The following ASTL variants were observed in gnomAD, a reference collection of about 807,000 sequenced individuals.
ASTL encodes the protein astacin-like metalloendopeptidase.
Under a neutral mutation model 36.7 loss-of-function variants are expected in ASTL, and 27 were observed. The observed-to-expected ratio is 0.73, with a 90% confidence interval of 0.54 to 1.01. The LOEUF is 1.01. Ranked by LOEUF, ASTL falls within the 50% of genes least tolerant of loss-of-function variation. The probability of loss-of-function intolerance (pLI) is 0.00; values close to 1 mark genes in which losing one functional copy is unlikely to be tolerated. For missense variants in ASTL, 524 were observed against 572.8 expected (o/e 0.91, Z 0.87); for synonymous variants, 222 against 228.1 (o/e 0.97, Z 0.24).
intron 2 of ASTL, among the ~76,000 whole-genome samples, chr2:96,136,507 G>T (rs1334897031): frequency 1.3e-5 from 2 of 152,218 alleles, no homozygotes; most frequent in African/African-American, 4.8e-5. Flanking sequence ...ACCAGCATTT[G>T]GGAGTTTTCT....
At chr2:96,134,136 G>A in intron 3 of ASTL, 78 bp from the exon 4 acceptor site, 2 of 938,666 alleles carry the variant, frequency 2.1e-6, no homozygotes, top group Admixed American at 3.8e-5. Context: ...CACACCCCAG[G>A]GCACCAGAAC....
Position 96,132,851 on chromosome 2 carries a change from T to G in ASTL, c.456-130A>C. The G allele has an allele frequency of 2.5e-6, 2 of 797,136 alleles. No individual in the cohort carries two copies. The highest frequency in any genetic ancestry group is 3.8e-6 in the Non-Finnish European group (2 of 526,310). 49.4% of individuals were successfully genotyped at this position (797,136 alleles called of 1,614,324 possible). A position where few individuals can be genotyped will look rare whatever the true frequency, so the allele number is the denominator to read the frequency against. ...AACAGGCAGGCCCCACTCTGGGCTC[T>G]AGTCTCAGGTTCACCATTCTCCAGG... On this transcript the variant is annotated intron_variant, in intron 5 of 8. Coordinates refer to ENST00000342380, the MANE Select transcript of ASTL (RefSeq NM_001002036.4). This position sits in a 1 kb window ranked among gnomAD's most constrained non-coding sequence, Gnocchi z 5.4.
chr2:96,127,726 C>A (rs978345102), intron 8 of ASTL, among the ~76,000 whole-genome samples: 1 of 152,044 alleles, frequency 6.6e-6, no homozygotes, highest in Non-Finnish European at 1.5e-5. Context: ...AGGTGCACAC[C>A]ACTATCCCAC....
Position 96,132,799 on chromosome 2 carries a change from C to T in ASTL, c.456-78G>A, listed in dbSNP as rs1238415521. ...CATACAGACCTGGGCTCTCCCTCCCCACACAACACAAGATAGACAAACTCC... is the reference window on the plus strand; with the variant it reads ...CATACAGACCTGGGCTCTCCCTCCCTACACAACACAAGATAGACAAACTCC... On this transcript the variant is annotated intron_variant, in intron 5 of 8. Coordinates refer to ENST00000342380, the MANE Select transcript of ASTL (RefSeq NM_001002036.4). The surrounding 1 kb of genome is among the most constrained non-coding windows in gnomAD (Gnocchi z 5.4). The T allele has an allele frequency of 7.4e-7, 1 of 1,355,180 alleles. No homozygotes were observed. The highest frequency in any genetic ancestry group is 1.0e-6 in the Non-Finnish European group (1 of 986,830). The allele number at this position is 1,355,180 out of a possible 1,614,324, so 83.9% of individuals were successfully genotyped here.
In ASTL at chr2:96,123,141, C is replaced by A. The variant is rs1681991360; in HGVS notation, c.*709G>T. 6.6e-6 allele frequency among the ~76,000 whole-genome samples: 1 copy of A among 152,258 alleles called. No homozygotes were observed. Among genetic ancestry groups the A allele is most frequent in the Non-Finnish European group, 1.5e-5 (1 of 68,038 alleles). On this transcript the variant is annotated 3_prime_UTR_variant, in exon 9 of 9. Transcript: ENST00000342380. ...ACCCCAGCCCTTTCTCCTTCCAAGG[C>A]TGCGCCTGGCTGAGCTCCAGGGAAT...
chr2:96,133,286 C>T (rs1237952752), intron 5 of ASTL, 139 bp downstream of exon 5: 3 of 716,474 alleles, frequency 4.2e-6, no homozygotes, highest in South Asian at 1.6e-5. Context: ...CCAGCTCACA[C>T]TTGGCAGACC....
intron 4 of ASTL, 181 bp from the exon 5 acceptor site, chr2:96,133,723 A>G: frequency 1.6e-6 from 1 of 634,864 alleles, no homozygotes; most frequent in Non-Finnish European, 2.8e-6. Flanking sequence ...TGGGTAGGTC[A>G]CTGTCCTCTG....
chr2:96,127,626 T>G (rs552870965), intron 8 of ASTL, among the ~76,000 whole-genome samples: 31 of 152,258 alleles, frequency 2.0e-4, no homozygotes, highest in Non-Finnish European at 3.4e-4. Context: ...CAGACTGGAG[T>G]GCAGTGGCAC....
chr2:96,129,028 A>C (rs954117030), intron 8 of ASTL, among the ~76,000 whole-genome samples: 1 of 151,640 alleles, frequency 6.6e-6, no homozygotes, highest in Non-Finnish European at 1.5e-5. Flanking sequence ...TGACAGAGTG[A>C]GACTCCATCT....
rs558385794 is a variant in ASTL, at chr2:96,134,804, C to T, written c.243+547G>A. Among the ~76,000 whole-genome samples, 9 of 152,354 alleles carry T rather than the reference C, an allele frequency of 5.9e-5. No homozygotes were observed. The South Asian group carries it at 1.0e-3, about 18-fold the overall frequency. ...TCCTATTCAGGAGCCTTCTGCCATT[C>T]GCAGTTGCCTGAAACACATGGCTGC... is the stretch of plus-strand genomic sequence containing the variant. On this transcript the variant is annotated intron_variant, in intron 3 of 8. Coordinates refer to ENST00000342380, the MANE Select transcript of ASTL (RefSeq NM_001002036.4).
rs1412122179 is a variant in ASTL, at chr2:96,123,046, T to A, written c.*804A>T. The stretch of plus-strand genomic sequence containing the variant: ...CTGGGGCAGAGGAGTAGGGCCTGCC[T>A]GGAGGAGGCCAGGCTGGGAGCTGGG... On this transcript the variant is annotated 3_prime_UTR_variant, in exon 9 of 9. Coordinates refer to ENST00000342380, the MANE Select transcript of ASTL (RefSeq NM_001002036.4). Among the ~76,000 whole-genome samples the A allele has an allele frequency of 5.9e-5, 9 of 152,292 alleles. No individual in the cohort carries two copies. The East Asian group carries it at 1.7e-3, about 29-fold the overall frequency.
chr2:96,135,504 T>C, intron 2 of ASTL, 92 bp from the exon 3 acceptor site: 2 of 1,104,728 alleles, frequency 1.8e-6, no homozygotes, highest in Non-Finnish European at 2.7e-6. Flanking sequence ...TTAAGTCTAT[T>C]CTTGTGTCTT....
intron 8 of ASTL, 131 bp downstream of exon 8, chr2:96,129,693 T>G: frequency 2.5e-6 from 2 of 808,272 alleles, no homozygotes; most frequent in Non-Finnish European, 3.7e-6. Flanking sequence ...TTCTGCGTCG[T>G]TGTGGCAAGC....
At position 96,124,317 on chromosome 2, in the gene ASTL, A is replaced by T; in HGVS notation, c.875-46T>A. ...GGTGGAACCTCAGAACTGTAGGATGACATGTGGCCCAGCTGTGCGGACCCA... is the reference window on the plus strand; with the variant it reads ...GGTGGAACCTCAGAACTGTAGGATGTCATGTGGCCCAGCTGTGCGGACCCA... On this transcript the variant is annotated intron_variant, in intron 8 of 8. Transcript: ENST00000342380. The surrounding 1 kb of genome is among the most constrained non-coding windows in gnomAD (Gnocchi z 4.1). 6.8e-7 allele frequency: 1 copy of T among 1,462,766 alleles called. No individual in the cohort carries two copies. The highest frequency in any genetic ancestry group is 9.0e-7 in the Non-Finnish European group (1 of 1,105,824). The allele number at this position is 1,462,766 out of a possible 1,614,324, so 90.6% of individuals were successfully genotyped here. A position where few individuals can be genotyped will look rare whatever the true frequency, so the allele number is the denominator to read the frequency against.
At position 96,137,703 on chromosome 2, in the gene ASTL, G is replaced by C. The variant is rs1682332112; in HGVS notation, c.56-3C>G. On this transcript the variant is annotated splice_polypyrimidine_tract_variant and splice_region_variant and intron_variant, in intron 1 of 8. Coordinates refer to ENST00000342380, the MANE Select transcript of ASTL (RefSeq NM_001002036.4). ...CAGGGGCGCTCCTAGGATCACACCT[G>C]GTCCAGACAGACAGGGGCATACACA... is the stretch of plus-strand genomic sequence containing the variant. The C allele has an allele frequency of 6.2e-7, 1 of 1,611,172 alleles. No individual in the cohort carries two copies. The highest frequency in any genetic ancestry group is 8.5e-7 in the Non-Finnish European group (1 of 1,178,872).
At chr2:96,130,569 G>C (rs905237221) in intron 6 of ASTL, among the ~76,000 whole-genome samples, 3 of 152,210 alleles carry the variant, frequency 2.0e-5, no homozygotes, top group African/African-American at 7.2e-5. Context: ...CTGCAGTGGT[G>C]ATGCCCTAGT....
chr2:96,137,113 G>A (rs1053967180), intron 2 of ASTL, among the ~76,000 whole-genome samples: 3 of 152,174 alleles, frequency 2.0e-5, no homozygotes, highest in Non-Finnish European at 1.5e-5. Flanking sequence ...AAAGTGCTGG[G>A]ACTACAGGCG....
rs756407081 is a variant in ASTL at position 96,132,524 on chromosome 2, G to A, written c.637+16C>T. The A allele has an allele frequency of 1.2e-5, 19 of 1,580,318 alleles. No individual in the cohort carries two copies. The East Asian group carries it at 2.0e-4, about 17-fold the overall frequency. On this transcript the variant is annotated intron_variant, in intron 6 of 8. Coordinates refer to ENST00000342380, the MANE Select transcript of ASTL (RefSeq NM_001002036.4). The surrounding 1 kb of genome is among the most constrained non-coding windows in gnomAD (Gnocchi z 5.4). ...CCTCCCCGGCACCAGCCTGTCCTGC[G>A]TGTGGCCTGGCTCACCTGGCAGGAT...
chr2:96,124,171 G>A lies in ASTL; in HGVS notation c.975C>T (p.Pro325=). The change falls in exon 9 of 9, where the codon CCC becomes CCT. Residue 325 remains proline, a synonymous_variant. Coordinates refer to ENST00000342380, the MANE Select transcript of ASTL (RefSeq NM_001002036.4). The surrounding 1 kb of genome is among the most constrained non-coding windows in gnomAD (Gnocchi z 4.1). ...ALSAESRSPD[P]SGSSAGGQPV... ...GCTGGCCTCCCGCACTGGAACCACTGGGGTCGGGGCTCCTGGATTCCGCCG... is the reference window on the plus strand; with the variant it reads ...GCTGGCCTCCCGCACTGGAACCACTAGGGTCGGGGCTCCTGGATTCCGCCG... The A allele has an allele frequency of 1.9e-6, 3 of 1,547,410 alleles. No homozygotes were observed. The highest frequency in any genetic ancestry group is 1.3e-5 in the South Asian group (1 of 79,384).
Sources: gnomAD v4.1 joint callset for allele counts (sites outside exome capture counted in the v4.1 genomes callset) on GRCh38, gnomAD v4.1.1 for gene constraint, Gnocchi (gnomAD v3.1) non-coding constraint, MANE v1.5 for transcripts, NCBI Gene and HGNC (gene_info 2026-07-23, HGNC 2026-07-21) for gene names.